Variants in CKM observed in about 807,000 individuals in gnomAD.
CKM encodes the protein creatine kinase, M-type, also known as creatine kinase M-type.
In CKM, 28 loss-of-function variants were observed where a neutral mutation model predicts 35.4. The ratio of observed to expected loss-of-function variants is 0.79; its 90% CI spans 0.59 to 1.08. The LOEUF (loss-of-function observed/expected upper bound fraction) is 1.08. Among genes scored for constraint, CKM ranks in the 50% least tolerant of loss-of-function variants. The pLI, the probability that CKM is intolerant of heterozygous loss-of-function variation, is 0.00. For missense variants in CKM, 484 were observed against 509.8 expected, an observed-to-expected ratio of 0.95 and a Z score of 0.49; for synonymous variants, 215 against 204.4, an observed-to-expected ratio of 1.05 and a Z score of -0.44.
chr19:45,309,069 A>C (rs2123131816), intron 5 of CKM, among the ~76,000 whole-genome samples: 1 of 151,728 alleles, frequency 6.6e-6, no homozygotes, highest in Non-Finnish European at 1.5e-5. Flanking sequence ...CTACTAAAAA[A>C]TACAAAAAAA....
Position 45,307,594 on chromosome 19 carries a change from G to T in CKM, c.834C>A (p.Gly278=). Residue 278 remains glycine, a synonymous_variant, in exon 7 of 8, where the codon GGC becomes GGA. Transcript: ENST00000221476. ...GGTTGGATGGGCAGGTGAGCACGTAGCCCAGGTGCTGGTTCCACATGAAGG... is the reference window on the plus strand; with the variant it reads ...GGTTGGATGGGCAGGTGAGCACGTATCCCAGGTGCTGGTTCCACATGAAGG... ...GHPFMWNQHL[G]YVLTCPSNLG... 6.2e-7 allele frequency: 1 copy of T among 1,614,154 alleles called. No individual in the cohort carries two copies. Among genetic ancestry groups the T allele is most frequent in the Non-Finnish European group, 8.5e-7 (1 of 1,180,008 alleles).
rs572685873 is a variant in CKM at position 45,319,475 on chromosome 19, C to T, written c.193+46G>A. On this transcript the variant is annotated intron_variant, in intron 2 of 7. Transcript: ENST00000221476. ...GGATTGGGGCATGGCCGGCAGCCTC[C>T]AGAGCCCCCATGTAGCCCCTTCAGT... 81 of 1,541,348 alleles carry T rather than the reference C, an allele frequency of 5.3e-5. 1 individual carries two copies. The South Asian group carries it at 8.4e-4, about 16-fold the overall frequency.
At chr19:45,322,146 C>A (rs1215664047) in intron 1 of CKM, among the ~76,000 whole-genome samples, 1 of 152,012 alleles carries the variant, frequency 6.6e-6, no homozygotes, top group Non-Finnish European at 1.5e-5. Context: ...AGACCCCCTC[C>A]CTTCAGAGGA....
intron 4 of CKM, among the ~76,000 whole-genome samples, chr19:45,312,287 A>C (rs958466230): frequency 5.9e-5 from 9 of 152,346 alleles, no homozygotes; most frequent in African/African-American, 2.2e-4. Context: ...ATTAGTAAAA[A>C]TTATTATAAA....
At chr19:45,320,453 A>T (rs1971203163) in intron 1 of CKM, among the ~76,000 whole-genome samples, 1 of 152,232 alleles carries the variant, frequency 6.6e-6, no homozygotes. Flanking sequence ...GGGGTCAGGC[A>T]GGCTGTGTAA....
rs34729831 is a variant in CKM, at chr19:45,307,866, GTT to G, written c.778-218_778-217del. On this transcript the variant is annotated intron_variant, in intron 6 of 7. Coordinates refer to ENST00000221476, the MANE Select transcript of CKM (RefSeq NM_001824.5). ...GGGACTAAGAACGCTTTGAAGGCGG[GTT>G]TTTTTTTTTTTTTTTTCCAGAGTCT... Among the ~76,000 whole-genome samples, 176 of 124,168 alleles carry G rather than the reference GTT, an allele frequency of 1.4e-3. 1 individual carries two copies. Among genetic ancestry groups the G allele is most frequent in the African/African-American group, 4.1e-3 (128 of 31,470 alleles). 81.5% of individuals were successfully genotyped at this position (124,168 alleles called of 152,430 possible).
rs144312422 is a variant in CKM at position 45,317,317 on chromosome 19, C to T, written c.348+508G>A. Among the ~76,000 whole-genome samples the T allele has an allele frequency of 8.1e-4, 123 of 151,614 alleles. 2 individuals are homozygous for T. In the East Asian group the frequency reaches 0.02, roughly 25 times the overall value. ...TTTATTTATTTTTTGAGACGAGTTT[C>T]GCCCTTGTTGCCCAGGCTGGAGTGC... On this transcript the variant is annotated intron_variant, in intron 3 of 7. Coordinates refer to ENST00000221476, the MANE Select transcript of CKM (RefSeq NM_001824.5).
At chr19:45,315,343 G>T (rs1055502499) in intron 4 of CKM, 122 bp downstream of exon 4, 5 of 1,144,908 alleles carry the variant, frequency 4.4e-6, no homozygotes, top group African/African-American at 1.5e-5. Flanking sequence ...AAGCCCCCAC[G>T]ATTTACCAAG....
chr19:45,317,749 C>T (rs1391236523), intron 3 of CKM, 76 bp downstream of exon 3: 3 of 1,496,302 alleles, frequency 2.0e-6, no homozygotes, highest in Non-Finnish European at 1.9e-6. Flanking sequence ...CTCTGTATTT[C>T]TCTGTCTCCC....
At chr19:45,312,016 T>C in intron 4 of CKM, 96 bp from the exon 5 acceptor site, 1 of 1,423,804 alleles carries the variant, frequency 7.0e-7, no homozygotes, top group Non-Finnish European at 9.8e-7. Flanking sequence ...CTAACGGGCC[T>C]GGGCCTTGGC....
At chr19:45,315,165 C>G (rs1355452707) in intron 4 of CKM, among the ~76,000 whole-genome samples, 1 of 152,210 alleles carries the variant, frequency 6.6e-6, no homozygotes, top group Non-Finnish European at 1.5e-5. Flanking sequence ...GGACCCCTAT[C>G]TCCCCACACA....
At chr19:45,314,137 G>C (rs73042703) in intron 4 of CKM, among the ~76,000 whole-genome samples, 1 of 145,318 alleles carries the variant, frequency 6.9e-6, no homozygotes, top group Admixed American at 6.9e-5. Flanking sequence ...AAGGGAGGGA[G>C]GGAAGGAAGG....
chr19:45,320,745 C>T (rs1199777335), intron 1 of CKM, among the ~76,000 whole-genome samples: 1 of 152,190 alleles, frequency 6.6e-6, no homozygotes, highest in East Asian at 1.9e-4. Flanking sequence ...GTTGCTTAAC[C>T]TCTGTGCCTC....
Position 45,319,581 on chromosome 19 carries a change from T to C in CKM, c.133A>G (p.Lys45Glu). 1 of 1,614,124 alleles carries C rather than the reference T, an allele frequency of 6.2e-7. No homozygotes were observed. The highest frequency in any genetic ancestry group is 1.7e-5 in the Admixed American group (1 of 60,002). ...TLELYKKLRD[K>E]ETPSGFTVDD... ...ACAGTGAAGCCAGATGGAGTCTCCT[T>C]GTCCCGCAGCTTCTTGTAGAGTTCA... Residue 45 changes from lysine to glutamate, a missense_variant, in exon 2 of 8, where the codon AAG becomes GAG. Lys to Glu is a moderately conservative substitution (Grantham distance 56, BLOSUM62 1). Transcript: ENST00000221476.
rs1252045885 is a variant in CKM, at chr19:45,306,511, G to A, written c.*239C>T. ...CCATTAACTAGAGCTCCTGGTTGGG[G>A]TGGAGCTCTGGGAAAAGAAGAGGAC... On this transcript the variant is annotated 3_prime_UTR_variant, in exon 8 of 8. Transcript: ENST00000221476. This position sits in a 1 kb window ranked among gnomAD's most constrained non-coding sequence, Gnocchi z 4.5. 8.8e-6 allele frequency: 5 copies of A among 568,234 alleles called. No individual in the cohort carries two copies. Among genetic ancestry groups the A allele is most frequent in the South Asian group, 8.3e-5 (4 of 48,462 alleles). The allele number at this position is 568,234 out of a possible 1,614,324, so 35.2% of individuals were successfully genotyped here. A position where few individuals can be genotyped will look rare whatever the true frequency, so the allele number is the denominator to read the frequency against.
intron 4 of CKM, among the ~76,000 whole-genome samples, chr19:45,314,043 AGAAGGAAG>A (rs947332825): frequency 2.0e-5 from 3 of 147,574 alleles, no homozygotes; most frequent in African/African-American, 5.0e-5. Context: ...AGAGAGAAAG[AGAAGGAAG>A]GAAGGAAGGG....
rs1971055208 is a variant in CKM, at chr19:45,306,749, C to T, written c.*1G>A. ...GCAGTCGGTGGCAGGTGGGCAGGCG[C>T]CTACTTCTGGGCGGGGATCATGTCG... On this transcript the variant is annotated 3_prime_UTR_variant, in exon 8 of 8. Transcript: ENST00000221476. This position sits in a 1 kb window ranked among gnomAD's most constrained non-coding sequence, Gnocchi z 4.5. The T allele has an allele frequency of 6.2e-7, 1 of 1,613,984 alleles. No homozygotes were observed. The highest frequency in any genetic ancestry group is 1.3e-5 in the African/African-American group (1 of 74,934).
At chr19:45,317,577 G>A (rs546234846) in intron 3 of CKM, among the ~76,000 whole-genome samples, 97 of 150,252 alleles carry the variant, frequency 6.5e-4, no homozygotes, top group Non-Finnish European at 1.2e-3. Context: ...GTGAGCCACC[G>A]CCGTGCCCAG....
chr19:45,314,098 C>T (rs1219694539), intron 4 of CKM, among the ~76,000 whole-genome samples: 3 of 117,848 alleles, frequency 2.5e-5, no homozygotes, highest in East Asian at 2.6e-4. Flanking sequence ...GAAGGAAGGA[C>T]GGAGAAGAAA....
Sources: allele counts gnomAD v4.1 joint callset (sites outside exome capture counted in the v4.1 genomes callset), GRCh38; gene constraint gnomAD v4.1.1; non-coding constraint Gnocchi (gnomAD v3.1); transcripts MANE v1.5; gene names NCBI Gene and HGNC (gene_info 2026-07-23, HGNC 2026-07-21).